The following CSNK1A1 variants were observed in gnomAD, a reference collection of about 807,000 sequenced individuals.
CSNK1A1 encodes casein kinase I isoform alpha.
Under a neutral mutation model 46.1 loss-of-function variants are expected in CSNK1A1, and 7 were observed. The observed-to-expected ratio is 0.15, with a 90% CI of 0.09 to 0.29. The LOEUF is 0.29. Ranked by LOEUF, CSNK1A1 falls within the 10% of genes least tolerant of loss-of-function variation. The probability of loss-of-function intolerance (pLI) is 1.00; values close to 1 mark genes in which losing one functional copy is unlikely to be tolerated. For missense variants in CSNK1A1, 96 were observed against 417.1 expected (o/e 0.23, Z 6.71); for synonymous variants, 137 against 141.5 (o/e 0.97, Z 0.23).
chr5:149,523,492 C>T (rs921174473), intron 3 of CSNK1A1, among the ~76,000 whole-genome samples: 2 of 152,204 alleles, frequency 1.3e-5, no homozygotes, highest in African/African-American at 2.4e-5. Flanking sequence ...GGATTACAGG[C>T]GTGAGCCAGT....
chr5:149,502,717 T>C (rs1481875572), intron 9 of CSNK1A1: 1 of 984,918 alleles, frequency 1.0e-6, no homozygotes, highest in African/African-American at 1.8e-5. Context: ...GTTTTCATCA[T>C]TATTAAAACG....
At chr5:149,498,170 G>A (rs191024272) in intron 9 of CSNK1A1, 1 of 985,238 alleles carries the variant, frequency 1.0e-6, no homozygotes, top group Non-Finnish European at 1.2e-6. Flanking sequence ...CATCTCCCAT[G>A]GGCTTTGTGG....
intron 2 of CSNK1A1, among the ~76,000 whole-genome samples, chr5:149,532,067 CAG>C (rs1761918160): frequency 6.6e-6 from 1 of 151,926 alleles, no homozygotes; most frequent in Non-Finnish European, 1.5e-5. Context: ...TTAGTAGAGA[CAG>C]GGTTTCACCA....
intron 5 of CSNK1A1, 105 bp from the exon 6 acceptor site, chr5:149,511,977 A>G (rs892274767): frequency 1.1e-5 from 9 of 839,652 alleles, no homozygotes; most frequent in Admixed American, 4.9e-5. Context: ...AGGAGGGAAC[A>G]CTATTTGGTG....
intron 4 of CSNK1A1, 43 bp from the exon 5 acceptor site, chr5:149,513,252 TCAATTAAA>T (rs746409270): frequency 5.7e-5 from 89 of 1,551,248 alleles, no homozygotes; most frequent in Middle Eastern, 1.7e-4. Flanking sequence ...CCAACCTTGT[TCAATTAAA>T]CTGCGTCTTA....
chr5:149,542,587 C>G (rs114123372), intron 2 of CSNK1A1, among the ~76,000 whole-genome samples: 2 of 69,462 alleles, frequency 2.9e-5, no homozygotes, highest in Non-Finnish European at 5.4e-5. Context: ...AAATGAGATA[C>G]AAATTTATAT....
chr5:149,544,854 G>A (rs1762420939), intron 2 of CSNK1A1, among the ~76,000 whole-genome samples: 5 of 149,844 alleles, frequency 3.3e-5, no homozygotes, highest in Admixed American at 3.3e-4. Context: ...TTATACTTGG[G>A]GCCAGGTGCA....
At chr5:149,539,675 TC>T (rs1450260433) in intron 2 of CSNK1A1, among the ~76,000 whole-genome samples, 4 of 152,100 alleles carry the variant, frequency 2.6e-5, no homozygotes, top group Admixed American at 6.6e-5. Context: ...CTACGTCATA[TC>T]CCAATTTAAT....
rs909034365 is a variant in CSNK1A1 at position 149,496,075 on chromosome 5, TAC to T, written c.*776_*777del. The T allele has an allele frequency of 3.3e-5, 5 of 152,664 alleles. No individual in the cohort carries two copies. Among genetic ancestry groups the T allele is most frequent in the African/African-American group, 1.2e-4 (5 of 41,468 alleles). 9.5% of individuals were successfully genotyped at this position (152,664 alleles called of 1,614,324 possible). A position where few individuals can be genotyped will look rare whatever the true frequency, so the allele number is the denominator to read the frequency against. ...CAAAATCCCAGATCATATAGATGTT[TAC>T]AGTGATTACATTTATCTAAGCAACA... On this transcript the variant is annotated 3_prime_UTR_variant, in exon 10 of 10. Transcript: ENST00000377843.
chr5:149,536,002 G>A (rs1378278273), intron 2 of CSNK1A1, among the ~76,000 whole-genome samples: 1 of 150,894 alleles, frequency 6.6e-6, no homozygotes, highest in African/African-American at 2.4e-5. Flanking sequence ...TGCCCAGGCT[G>A]GAATACAATG....
rs192461015 is a variant in CSNK1A1, at chr5:149,528,867, C to A, written c.231-3696G>T. 3.1e-4 allele frequency among the ~76,000 whole-genome samples: 47 copies of A among 152,288 alleles called. 1 individual carries two copies. The highest frequency in any genetic ancestry group is 1.1e-3 in the African/African-American group (45 of 41,550). On this transcript the variant is annotated intron_variant, in intron 2 of 9. Coordinates refer to ENST00000377843, the MANE Select transcript of CSNK1A1 (RefSeq NM_001892.6). ...AACCTGAGTCATGAACAAGCACTAA[C>A]CCGATTCTCTGAGGCCATTTAAGTT...
At position 149,550,649 on chromosome 5, in the gene CSNK1A1, AC is replaced by A. The variant is rs2113215638; in HGVS notation, c.123+192del. ...ACAAGGTGGGAAACTAGTTCCCCCA[AC>A]CTTTCTATCGGGTTCTTGACCCTTT... On this transcript the variant is annotated intron_variant, in intron 1 of 9. Coordinates refer to ENST00000377843, the MANE Select transcript of CSNK1A1 (RefSeq NM_001892.6). This position sits in a 1 kb window ranked among gnomAD's most constrained non-coding sequence, Gnocchi z 4.3. 6.6e-6 allele frequency among the ~76,000 whole-genome samples: 1 copy of A among 151,976 alleles called. No homozygotes were observed. The highest frequency in any genetic ancestry group is 1.9e-4 in the East Asian group (1 of 5,174).
At chr5:149,502,364 C>G (rs1359340686) in intron 9 of CSNK1A1, 1 of 952,512 alleles carries the variant, frequency 1.0e-6, no homozygotes, top group East Asian at 1.2e-4. Context: ...TGTTGTGACA[C>G]AGGGTCTCAT....
At position 149,504,058 on chromosome 5, in the gene CSNK1A1, C is replaced by G. The variant is rs189657508; in HGVS notation, c.1006+1389G>C. 1.0e-5 allele frequency: 10 copies of G among 985,422 alleles called. No homozygotes were observed. The Admixed American group carries it at 4.3e-4, about 42-fold the overall frequency. The allele number at this position is 985,422 out of a possible 1,614,324, so 61.0% of individuals were successfully genotyped here. A position where few individuals can be genotyped will look rare whatever the true frequency, so the allele number is the denominator to read the frequency against. On this transcript the variant is annotated intron_variant, in intron 9 of 9. Coordinates refer to ENST00000377843, the MANE Select transcript of CSNK1A1 (RefSeq NM_001892.6). ...CATTAGCTACATAACACATTATGAA[C>G]TTCTTGGCACTATGATTAGTTATAC...
chr5:149,549,532 A>C (rs1386553846), intron 2 of CSNK1A1: 1 of 701,714 alleles, frequency 1.4e-6, no homozygotes, highest in Non-Finnish European at 2.6e-6. Flanking sequence ...GGAATCAAGG[A>C]AGCATAATTT....
chr5:149,506,612 A>G (rs1055037106), intron 8 of CSNK1A1, among the ~76,000 whole-genome samples: 2 of 151,994 alleles, frequency 1.3e-5, no homozygotes, highest in African/African-American at 4.8e-5. Flanking sequence ...CTTTTTCAAG[A>G]CCAGTTCTGG....
intron 2 of CSNK1A1, among the ~76,000 whole-genome samples, chr5:149,540,381 C>G (rs1249009587): frequency 6.6e-6 from 1 of 152,050 alleles, no homozygotes; most frequent in African/African-American, 2.4e-5. Context: ...CATAACATAC[C>G]CCACTGCTCA....
At chr5:149,498,031 A>G (rs1126629) in intron 9 of CSNK1A1, 2 of 770,660 alleles carry the variant, frequency 2.6e-6, no homozygotes, top group African/African-American at 1.9e-5. Context: ...ACACAGTTTC[A>G]CTGTGTTGGC....
In CSNK1A1 at chr5:149,498,517, T is replaced by C. The variant is rs926561100; in HGVS notation, c.1007-1657A>G. 3 of 985,180 alleles carry C rather than the reference T, an allele frequency of 3.0e-6. No homozygotes were observed. The African/African-American group carries it at 5.2e-5, about 17-fold the overall frequency. The allele number at this position is 985,180 out of a possible 1,614,324, so 61.0% of individuals were successfully genotyped here. On this transcript the variant is annotated intron_variant, in intron 9 of 9. Transcript: ENST00000377843. The stretch of plus-strand genomic sequence containing the variant: ...CAGGAAAAGTTTCAAGCTTCTTGTT[T>C]GGGAGTTTAAAAAAGAAAAAAAGTA...
Sources: allele counts gnomAD v4.1 joint callset (sites outside exome capture counted in the v4.1 genomes callset), GRCh38; gene constraint gnomAD v4.1.1; non-coding constraint Gnocchi (gnomAD v3.1); transcripts MANE v1.5; gene names NCBI Gene and HGNC (gene_info 2026-07-23, HGNC 2026-07-21).